Variants in FAM78A observed in about 807,000 individuals in gnomAD.
FAM78A encodes the protein family with sequence similarity 78 member A.
In FAM78A, 12 loss-of-function variants were observed where a neutral mutation model predicts 22.6. That is an observed-to-expected ratio of 0.53 (90% CI 0.34 to 0.86). FAM78A has a LOEUF of 0.86. Ranked by LOEUF, FAM78A falls within the 40% of genes least tolerant of loss-of-function variation. FAM78A has a pLI of 0.02. For missense variants in FAM78A, 322 were observed against 396.1 expected (o/e 0.81, Z 1.59); for synonymous variants, 151 against 155.8 (o/e 0.97, Z 0.23).
upstream of FAM78A, among the ~76,000 whole-genome samples, chr9:131,280,571 C>T (rs1179020997): frequency 6.6e-6 from 1 of 152,096 alleles, no homozygotes; most frequent in African/African-American, 2.4e-5. Context: ...AGACACGGCC[C>T]CATCCCCCAC....
At chr9:131,277,057 A>C (rs1307011469), upstream of FAM78A, among the ~76,000 whole-genome samples, 3 of 150,440 alleles carry the variant, frequency 2.0e-5, no homozygotes, top group Non-Finnish European at 4.4e-5. This position sits in a 1 kb window ranked among gnomAD's most constrained non-coding sequence, Gnocchi z 8.4. Context: ...CGGGCTGCGG[A>C]GCTGACGGCG....
rs991793780 is a variant in FAM78A, at chr9:131,270,399, A to G, written c.323+5458T>C. The G allele has an allele frequency of 5.6e-6, 4 of 717,454 alleles. No individual in the cohort carries two copies. The African/African-American group carries it at 7.0e-5, about 13-fold the overall frequency. 44.4% of individuals were successfully genotyped at this position (717,454 alleles called of 1,614,324 possible). A position where few individuals can be genotyped will look rare whatever the true frequency, so the allele number is the denominator to read the frequency against. Reference sequence around the variant, plus strand: ...CACCCAACTCCAATCAGCAAAACAAAGGATATCAGTATGTAACTTGTCATT... The same window carrying G: ...CACCCAACTCCAATCAGCAAAACAAGGGATATCAGTATGTAACTTGTCATT... On this transcript the variant is annotated intron_variant, in intron 1 of 1. Coordinates refer to ENST00000372271, the MANE Select transcript of FAM78A (RefSeq NM_033387.4).
chr9:131,273,219 C>T (rs563427252), intron 1 of FAM78A, among the ~76,000 whole-genome samples: 52 of 152,326 alleles, frequency 3.4e-4, no homozygotes, highest in African/African-American at 1.2e-3. Flanking sequence ...CAGCAGCCTA[C>T]GGGAAGTTCT....
In FAM78A at chr9:131,270,270, G is replaced by A. The variant is rs891362525; in HGVS notation, c.323+5587C>T. 4.2e-6 allele frequency: 3 copies of A among 717,266 alleles called. No homozygotes were observed. The African/African-American group carries it at 5.2e-5, about 13-fold the overall frequency. 44.4% of individuals were successfully genotyped at this position (717,266 alleles called of 1,614,324 possible). On this transcript the variant is annotated intron_variant, in intron 1 of 1. Transcript: ENST00000372271. Reference sequence around the variant, plus strand: ...TGTGGACGGTAACAGGCACAGCTGAGCTCACCTCTCAGCATCCTCACCTGC... The same window carrying A: ...TGTGGACGGTAACAGGCACAGCTGAACTCACCTCTCAGCATCCTCACCTGC...
chr9:131,271,314 G>A (rs1835419208), intron 1 of FAM78A, among the ~76,000 whole-genome samples: 3 of 152,184 alleles, frequency 2.0e-5, no homozygotes, highest in African/African-American at 7.2e-5. Context: ...CAACAGCAAC[G>A]AGGCAGCCAC....
chr9:131,259,853 G>C lies in FAM78A; in HGVS notation c.*969C>G, dbSNP rs1835238961. 1 of 152,806 alleles carries C rather than the reference G, an allele frequency of 6.5e-6. No individual in the cohort carries two copies. The highest frequency in any genetic ancestry group is 2.4e-5 in the African/African-American group (1 of 41,476). The allele number at this position is 152,806 out of a possible 1,614,324, so 9.5% of individuals were successfully genotyped here. ...CCACACACCTGGAGGAAGGGCCAGG[G>C]ACTCAACTGGGGGTGGGTCCTGAGG... is the stretch of plus-strand genomic sequence containing the variant. On this transcript the variant is annotated 3_prime_UTR_variant, in exon 2 of 2. Transcript: ENST00000372271.
At position 131,265,132 on chromosome 9, in the gene FAM78A, TTC is replaced by T. The variant is rs1835328438; in HGVS notation, c.324-3784_324-3783del. Among the ~76,000 whole-genome samples the T allele has an allele frequency of 1.3e-5, 2 of 152,252 alleles. No homozygotes were observed. The highest frequency in any genetic ancestry group is 1.3e-4 in the Admixed American group (2 of 15,284). On this transcript the variant is annotated intron_variant, in intron 1 of 1. Transcript: ENST00000372271. This position sits in a 1 kb window ranked among gnomAD's most constrained non-coding sequence, Gnocchi z 4.3. The stretch of plus-strand genomic sequence containing the variant: ...ATTACAGATTTTATTGGTATTTTTC[TTC>T]TGTTTCTTCTTGGTACTTATTGGGG...
chr9:131,273,903 G>T (rs1588200909), intron 1 of FAM78A, among the ~76,000 whole-genome samples: 2 of 152,318 alleles, frequency 1.3e-5, no homozygotes, highest in East Asian at 3.9e-4. Flanking sequence ...AGCAGTAAAG[G>T]GACTTGCCTA....
intron 1 of FAM78A, among the ~76,000 whole-genome samples, chr9:131,267,643 C>CA (rs1473496965): frequency 1.3e-5 from 2 of 152,182 alleles, no homozygotes; most frequent in Non-Finnish European, 2.9e-5. Context: ...AAATATGTTG[C>CA]ATTAAAATAA....
Position 131,265,652 on chromosome 9 carries a change from C to G in FAM78A, c.324-4302G>C, listed in dbSNP as rs1835334788. On this transcript the variant is annotated intron_variant, in intron 1 of 1. Coordinates refer to ENST00000372271, the MANE Select transcript of FAM78A (RefSeq NM_033387.4). The surrounding 1 kb of genome is among the most constrained non-coding windows in gnomAD (Gnocchi z 4.3). ...CTGCCCGCCTCGGCCTCCCAAAGTG[C>G]TGGGATTACAGGCGTGAGCCACCGC... 6.6e-6 allele frequency among the ~76,000 whole-genome samples: 1 copy of G among 152,220 alleles called. No homozygotes were observed. Among genetic ancestry groups the G allele is most frequent in the African/African-American group, 2.4e-5 (1 of 41,454 alleles).
At chr9:131,280,013 G>A (rs1438899514), upstream of FAM78A, among the ~76,000 whole-genome samples, 7 of 152,188 alleles carry the variant, frequency 4.6e-5, no homozygotes, top group African/African-American at 4.8e-5. Context: ...GTGTGTGGGC[G>A]CCCACATGGT....
Position 131,261,183 on chromosome 9 carries a change from G to A in FAM78A, c.491C>T (p.Pro164Leu). 1.2e-6 allele frequency: 2 copies of A among 1,614,100 alleles called. No individual in the cohort carries two copies. Among genetic ancestry groups the A allele is most frequent in the Non-Finnish European group, 1.7e-6 (2 of 1,180,022 alleles). ...FIISMNDNFY[P>L]SVTWAVPVSE... ...GACGGGCACGGCCCATGTGACGCTG[G>A]GGTAAAAGTTGTCATTCATGCTGAT... Residue 164 changes from proline to leucine, a missense_variant, in exon 2 of 2, where the codon CCC becomes CTC. Coordinates refer to ENST00000372271, the MANE Select transcript of FAM78A (RefSeq NM_033387.4). This position sits in a 1 kb window ranked among gnomAD's most constrained non-coding sequence, Gnocchi z 7.1.
At chr9:131,267,165 T>C (rs1309315965) in intron 1 of FAM78A, among the ~76,000 whole-genome samples, 2 of 152,122 alleles carry the variant, frequency 1.3e-5, no homozygotes, top group African/African-American at 4.8e-5. Flanking sequence ...CTGACCCAGC[T>C]CTTACCCCAC....
In FAM78A at chr9:131,274,194, C is replaced by T. The variant is rs1179266254; in HGVS notation, c.323+1663G>A. On this transcript the variant is annotated intron_variant, in intron 1 of 1. Coordinates refer to ENST00000372271, the MANE Select transcript of FAM78A (RefSeq NM_033387.4). This position sits in a 1 kb window ranked among gnomAD's most constrained non-coding sequence, Gnocchi z 4.2. ...TCAGGCCTGTGGCCTCCCCACCACA[C>T]GTTGCACCAACCACATTAGCATCCA... 6.6e-6 allele frequency among the ~76,000 whole-genome samples: 1 copy of T among 152,260 alleles called. No individual in the cohort carries two copies. The highest frequency in any genetic ancestry group is 2.4e-5 in the African/African-American group (1 of 41,470).
At chr9:131,271,901 G>A (rs1192288936) in intron 1 of FAM78A, among the ~76,000 whole-genome samples, 5 of 151,674 alleles carry the variant, frequency 3.3e-5, no homozygotes, top group Admixed American at 2.0e-4. Context: ...GGATGGGGGG[G>A]GTTGGCTTTT....
In FAM78A at chr9:131,261,250, AG is replaced by A; in HGVS notation, c.423del (p.Cys142AlafsTer17). The stretch of plus-strand genomic sequence containing the variant: ...CTCTTGGTGGGGCCCACGATGGTGC[AG>A]GTCTCTGTGGTGTTGCCGTACCAGG... ...NYPWYGNTTE[T>X]CTIVGPTKRD... On this transcript the variant is annotated frameshift_variant, in exon 2 of 2. Transcript: ENST00000372271. LOFTEE classifies it high-confidence loss of function. This position sits in a 1 kb window ranked among gnomAD's most constrained non-coding sequence, Gnocchi z 7.1. The A allele has an allele frequency of 6.2e-7, 1 of 1,611,864 alleles. No individual in the cohort carries two copies. Among genetic ancestry groups the A allele is most frequent in the Non-Finnish European group, 8.5e-7 (1 of 1,179,710 alleles).
chr9:131,271,894 T>TG (rs970237161), intron 1 of FAM78A, among the ~76,000 whole-genome samples: 191 of 136,962 alleles, frequency 1.4e-3, no homozygotes, highest in East Asian at 7.5e-3. Context: ...ACAATTTGGA[T>TG]GGGGGGGGTT....
intron 1 of FAM78A, chr9:131,270,291 C>T: frequency 1.4e-6 from 1 of 717,574 alleles, no homozygotes. Flanking sequence ...AGCATCCTCA[C>T]CTGCCTCAAC....
Position 131,261,811 on chromosome 9 carries a change from G to A in FAM78A, c.324-461C>T, listed in dbSNP as rs530425757. 1.3e-4 allele frequency among the ~76,000 whole-genome samples: 20 copies of A among 152,282 alleles called. No individual in the cohort carries two copies. Among genetic ancestry groups the A allele is most frequent in the African/African-American group, 4.3e-4 (18 of 41,552 alleles). The stretch of plus-strand genomic sequence containing the variant: ...GACATTTGGCCAAGCGGTGGGGCCT[G>A]GGACCCCGGCGCATTTCCACCAAGG... On this transcript the variant is annotated intron_variant, in intron 1 of 1. Transcript: ENST00000372271. This position sits in a 1 kb window ranked among gnomAD's most constrained non-coding sequence, Gnocchi z 7.1.
Sources: gnomAD v4.1 joint callset for allele counts (sites outside exome capture counted in the v4.1 genomes callset) on GRCh38, gnomAD v4.1.1 for gene constraint, Gnocchi (gnomAD v3.1) non-coding constraint, MANE v1.5 for transcripts, NCBI Gene and HGNC (gene_info 2026-07-23, HGNC 2026-07-21) for gene names.